Variants in PRRX2 observed in about 807,000 individuals in gnomAD.
PRRX2 encodes the protein paired mesoderm homeobox protein 2.
PRRX2 carries 11 observed loss-of-function variants against 18.0 expected under a neutral mutation model. The observed-to-expected ratio is 0.61, with a 90% CI of 0.39 to 1.01. The LOEUF is 1.01. Among genes scored for constraint, PRRX2 ranks in the 50% least tolerant of loss-of-function variants. The probability of loss-of-function intolerance (pLI) is 0.01; values close to 1 mark genes in which losing one functional copy is unlikely to be tolerated. For synonymous variants in PRRX2, 177 were observed against 154.8 expected (o/e 1.14, Z -1.06); for missense variants, 387 against 351.0 (o/e 1.10, Z -0.82).
At chr9:129,700,906 A>G (rs898107374) in intron 1 of PRRX2, among the ~76,000 whole-genome samples, 3 of 152,388 alleles carry the variant, frequency 2.0e-5, no homozygotes, top group African/African-American at 7.2e-5. Context: ...GGCGTGAGCC[A>G]CGGTGCTTAG....
chr9:129,714,954 G>A (rs998789890), intron 1 of PRRX2, among the ~76,000 whole-genome samples: 28 of 152,104 alleles, frequency 1.8e-4, no homozygotes, highest in African/African-American at 6.8e-4. Flanking sequence ...AGTTTTCAGC[G>A]CAAGGGCTCT....
chr9:129,684,532 A>ACACACACACACACACCC (rs1165343797), intron 1 of PRRX2, among the ~76,000 whole-genome samples: 3 of 140,282 alleles, frequency 2.1e-5, no homozygotes, highest in Non-Finnish European at 3.0e-5. Context: ...ACCCACACAC[A>ACACACACACACACACCC]CCCCAACAGA....
At chr9:129,704,660 C>T (rs1030731294) in intron 1 of PRRX2, among the ~76,000 whole-genome samples, 2 of 152,196 alleles carry the variant, frequency 1.3e-5, no homozygotes, top group Non-Finnish European at 2.9e-5. Flanking sequence ...GTCACTGCCC[C>T]TCCAGGCCTC....
chr9:129,676,707 C>A (rs1299805697), intron 1 of PRRX2, among the ~76,000 whole-genome samples: 2 of 152,324 alleles, frequency 1.3e-5, no homozygotes, highest in Middle Eastern at 3.4e-3. Flanking sequence ...CACCACTAAC[C>A]CTGCGGGCTT....
At chr9:129,694,898 G>A (rs1381928196) in intron 1 of PRRX2, among the ~76,000 whole-genome samples, 1 of 152,168 alleles carries the variant, frequency 6.6e-6, no homozygotes, top group South Asian at 2.1e-4. Context: ...TCATGGCTGG[G>A]CCAGCCTTCT....
chr9:129,719,232 T>G lies in PRRX2; in HGVS notation c.261T>G (p.Gly87=). 6.3e-7 allele frequency: 1 copy of G among 1,584,066 alleles called. No individual in the cohort carries two copies. The highest frequency in any genetic ancestry group is 1.3e-5 in the African/African-American group (1 of 74,114). ...ATCCCGCCCCCCCAACCTCCGCAGG[T>G]GAGTGTCCCAGCCCGGGGCGCGGTA... The part of the protein sequence containing the change: ...SSGSEAAPQD[G]ECPSPGRGSA... The change falls in exon 2 of 4, where the codon GGT becomes GGG. Residue 87 remains glycine (G), a splice_region_variant and synonymous_variant. Coordinates refer to ENST00000372469, the MANE Select transcript of PRRX2 (RefSeq NM_016307.4).
chr9:129,706,868 C>T (rs968159218), intron 1 of PRRX2, among the ~76,000 whole-genome samples: 4 of 152,190 alleles, frequency 2.6e-5, no homozygotes, highest in Non-Finnish European at 5.9e-5. Context: ...TGTCACTCTC[C>T]AGCATCCTCA....
At chr9:129,710,328 G>A (rs1386294846) in intron 1 of PRRX2, among the ~76,000 whole-genome samples, 3 of 152,222 alleles carry the variant, frequency 2.0e-5, no homozygotes, top group African/African-American at 7.2e-5. Context: ...ATGGTCCAGG[G>A]AGGTGAAGAT....
Position 129,709,563 on chromosome 9 carries a change from A to G in PRRX2, c.260-9668A>G, listed in dbSNP as rs980080002. Among the ~76,000 whole-genome samples, 3 of 152,088 alleles carry G rather than the reference A, an allele frequency of 2.0e-5. No individual in the cohort carries two copies. The highest frequency in any genetic ancestry group is 7.2e-5 in the African/African-American group (3 of 41,406). On this transcript the variant is annotated intron_variant, in intron 1 of 3. Transcript: ENST00000372469. The surrounding 1 kb of genome is among the most constrained non-coding windows in gnomAD (Gnocchi z 4.2). ...CTTGTGTGCTGTGCCGAGGCCGGGGAAGCCATGGGATGGGGCCCCCTGGGG... is the reference window on the plus strand; with the variant it reads ...CTTGTGTGCTGTGCCGAGGCCGGGGGAGCCATGGGATGGGGCCCCCTGGGG...
In PRRX2 at chr9:129,720,709, C is replaced by G. The variant is rs1293858588; in HGVS notation, c.561C>G (p.Pro187=). ...SYSQEAAIEQ[P]VAPRPTALSP... ...GCCAGGAGGCCGCCATCGAGCAGCC[C>G]GTGGCTCCCCGGCCCACCGCCCTGA... The change falls in exon 3 of 4, where the codon CCC becomes CCG. Residue 187 remains proline, a synonymous_variant. Transcript: ENST00000372469. The G allele has an allele frequency of 6.2e-7, 1 of 1,612,716 alleles. No homozygotes were observed. The highest frequency in any genetic ancestry group is 8.5e-7 in the Non-Finnish European group (1 of 1,179,648).
At chr9:129,684,422 G>C (rs920295167) in intron 1 of PRRX2, among the ~76,000 whole-genome samples, 81 of 60,492 alleles carry the variant, frequency 1.3e-3, no homozygotes, top group South Asian at 2.7e-3. Flanking sequence ...GACACACACA[G>C]ATACAACACA....
chr9:129,706,833 C>A (rs1255854940), intron 1 of PRRX2, among the ~76,000 whole-genome samples: 1 of 152,180 alleles, frequency 6.6e-6, no homozygotes, highest in Non-Finnish European at 1.5e-5. Flanking sequence ...TTCATACCCC[C>A]AAAAGAAGCC....
chr9:129,718,249 C>T (rs1243634769), intron 1 of PRRX2, among the ~76,000 whole-genome samples: 2 of 152,136 alleles, frequency 1.3e-5, no homozygotes, highest in Non-Finnish European at 2.9e-5. Context: ...GGACACCCTC[C>T]CTCACTCTCT....
intron 1 of PRRX2, among the ~76,000 whole-genome samples, chr9:129,666,571 A>ACCCCCCCC (rs532808399): frequency 1.7e-3 from 159 of 95,468 alleles, no homozygotes; most frequent in East Asian, 3.9e-3. Flanking sequence ...GTGCCTGCCC[A>ACCCCCCCC]CCCCCCCCCA....
At position 129,719,341 on chromosome 9, in the gene PRRX2, GA is replaced by G. The variant is rs1564156677; in HGVS notation, c.371del (p.Glu124GlyfsTer72). ...SQLQALERVF[E>X]RTHYPDAFVR... ...ACTGCAGGCGCTGGAGCGCGTGTTC[GA>G]GCGCACGCACTACCCCGACGCCTTT... On this transcript the variant is annotated frameshift_variant, in exon 2 of 4. Coordinates refer to ENST00000372469, the MANE Select transcript of PRRX2 (RefSeq NM_016307.4). LOFTEE classifies it high-confidence loss of function. 4 of 1,596,228 alleles carry G rather than the reference GA, an allele frequency of 2.5e-6. No individual in the cohort carries two copies. Among genetic ancestry groups the G allele is most frequent in the Non-Finnish European group, 3.4e-6 (4 of 1,172,182 alleles).
chr9:129,713,464 G>C (rs1378389732), intron 1 of PRRX2, among the ~76,000 whole-genome samples: 1 of 152,074 alleles, frequency 6.6e-6, no homozygotes, highest in Non-Finnish European at 1.5e-5. Context: ...GGCATCTCCT[G>C]ACCCCGCCCA....
At chr9:129,708,512 G>A (rs1214173783) in intron 1 of PRRX2, among the ~76,000 whole-genome samples, 4 of 152,132 alleles carry the variant, frequency 2.6e-5, no homozygotes, top group Non-Finnish European at 5.9e-5. Flanking sequence ...TTTAAATTGG[G>A]ATATTTGTCT....
At chr9:129,689,384 G>A (rs1001392606) in intron 1 of PRRX2, among the ~76,000 whole-genome samples, 15 of 152,184 alleles carry the variant, frequency 9.9e-5, no homozygotes, top group Non-Finnish European at 2.9e-5. Flanking sequence ...TTAGTGCTCC[G>A]CTTGAAGGAA....
intron 1 of PRRX2, among the ~76,000 whole-genome samples, chr9:129,685,053 G>A (rs780140273): frequency 3.3e-5 from 5 of 152,184 alleles, no homozygotes; most frequent in African/African-American, 4.8e-5. Context: ...TGCCACTGAC[G>A]CCCCTCCTGC....
Sources: gnomAD v4.1 joint callset for allele counts (sites outside exome capture counted in the v4.1 genomes callset) on GRCh38, gnomAD v4.1.1 for gene constraint, Gnocchi (gnomAD v3.1) non-coding constraint, MANE v1.5 for transcripts, NCBI Gene and HGNC (gene_info 2026-07-23, HGNC 2026-07-21) for gene names.